The following NLK variants were observed in gnomAD, a reference collection of about 807,000 sequenced individuals.
The protein encoded by NLK is nemo like kinase, also known as serine/threonine-protein kinase NLK.
Under a neutral mutation model 59.0 loss-of-function variants are expected in NLK, and 11 were observed. The ratio of observed to expected loss-of-function variants is 0.19; its 90% confidence interval spans 0.12 to 0.31. The LOEUF (loss-of-function observed/expected upper bound fraction) is 0.31. NLK is among the 10% of genes least tolerant of loss of function. The pLI, the probability that NLK is intolerant of heterozygous loss-of-function variation, is 1.00. For missense variants in NLK, 410 were observed against 661.1 expected (o/e 0.62, Z 4.16); for synonymous variants, 235 against 235.9 (o/e 1.00, Z 0.03).
chr17:28,129,281 C>T (rs148951633), intron 2 of NLK, among the ~76,000 whole-genome samples: 108 of 152,130 alleles, frequency 7.1e-4, no homozygotes, highest in African/African-American at 2.4e-3. Flanking sequence ...GGTGAAACCC[C>T]GTCTCTACTA....
chr17:28,171,341 A>G (rs1161484194), intron 6 of NLK: 3 of 152,210 alleles, frequency 2.0e-5, no homozygotes, highest in African/African-American at 4.8e-5. Flanking sequence ...AGTGTTCTCT[A>G]GGTAAGAATT....
At chr17:28,043,724 C>A (rs1298716633) in intron 1 of NLK, among the ~76,000 whole-genome samples, 3 of 152,160 alleles carry the variant, frequency 2.0e-5, no homozygotes, top group Admixed American at 6.5e-5. Flanking sequence ...AGACTGAATT[C>A]CTTTATAATA....
intron 7 of NLK, among the ~76,000 whole-genome samples, chr17:28,175,941 A>G (rs62067264): frequency 0.058 from 8,884 of 152,330 alleles, 349 homozygotes; most frequent in Non-Finnish European, 0.084. Flanking sequence ...AATCATGTTT[A>G]TCTCAATTGA....
chr17:28,061,097 C>A (rs1228556539), intron 1 of NLK, among the ~76,000 whole-genome samples: 1 of 152,126 alleles, frequency 6.6e-6, no homozygotes, highest in Non-Finnish European at 1.5e-5. Context: ...AATCATAGCT[C>A]ACTGCAGCCT....
intron 1 of NLK, among the ~76,000 whole-genome samples, chr17:28,098,514 A>G (rs1334798710): frequency 2.0e-5 from 3 of 152,152 alleles, no homozygotes; most frequent in African/African-American, 7.2e-5. Flanking sequence ...GAAAACTGAC[A>G]TTGAGTACGT....
At chr17:28,122,845 T>A in intron 2 of NLK, 113 bp downstream of exon 2, 2 of 1,136,794 alleles carry the variant, frequency 1.8e-6, no homozygotes, top group Non-Finnish European at 2.5e-6. Context: ...GGAAATTGGC[T>A]ATAGTTTTAT....
intron 1 of NLK, among the ~76,000 whole-genome samples, chr17:28,098,608 T>C (rs1472809529): frequency 6.6e-6 from 1 of 151,906 alleles, no homozygotes; most frequent in African/African-American, 2.4e-5. Context: ...ACCAATCACC[T>C]ATTGTTGGGC....
chr17:28,072,969 G>A (rs1424336765), intron 1 of NLK, among the ~76,000 whole-genome samples: 2 of 151,696 alleles, frequency 1.3e-5, no homozygotes, highest in African/African-American at 2.4e-5. Flanking sequence ...AAAATTGTGA[G>A]CCCATGACAT....
intron 3 of NLK, among the ~76,000 whole-genome samples, chr17:28,153,347 T>C (rs1907566869): frequency 6.6e-6 from 1 of 151,716 alleles, no homozygotes; most frequent in Non-Finnish European, 1.5e-5. Flanking sequence ...TACCATAAAC[T>C]GGGTGGTTTA....
intron 1 of NLK, among the ~76,000 whole-genome samples, chr17:28,051,747 C>G (rs1211788946): frequency 1.3e-5 from 2 of 151,796 alleles, no homozygotes; most frequent in Non-Finnish European, 2.9e-5. Context: ...TGCCAACAAC[C>G]CTGTGACCTT....
chr17:28,192,178 C>A lies in NLK; in HGVS notation c.1494C>A (p.Ile498=). ...QQKGNRVPLC[I]NPQSAAFKSF... ...AAGGAAACAGAGTGCCTCTCTGCAT[C>A]AACCCTCAGTCTGCTGCTTTTAAGA... Residue 498 remains isoleucine, a synonymous_variant, in exon 10 of 11, where the codon ATC becomes ATA. Transcript: ENST00000407008. 6.2e-7 allele frequency: 1 copy of A among 1,607,042 alleles called. No individual in the cohort carries two copies. The highest frequency in any genetic ancestry group is 8.5e-7 in the Non-Finnish European group (1 of 1,174,826).
intron 1 of NLK, among the ~76,000 whole-genome samples, chr17:28,106,321 C>T (rs1905079031): frequency 6.6e-6 from 1 of 152,094 alleles, no homozygotes; most frequent in African/African-American, 2.4e-5. Flanking sequence ...ATAATAATTT[C>T]AATTCGTATA....
At chr17:28,149,102 G>A (rs996834627) in intron 3 of NLK, among the ~76,000 whole-genome samples, 3 of 152,072 alleles carry the variant, frequency 2.0e-5, no homozygotes, top group Non-Finnish European at 2.9e-5. Flanking sequence ...TTGCTCTGTC[G>A]CCAACGCTGG....
chr17:28,191,222 G>A lies in NLK; in HGVS notation c.1435+3G>A, dbSNP rs763555017. ...CAGTTCTGTCCGACAGGTTAAAGGT[G>A]AGTATCTGTTTTGGCCTTTGGCCAG... On this transcript the variant is annotated splice_donor_region_variant and intron_variant, in intron 9 of 10. Coordinates refer to ENST00000407008, the MANE Select transcript of NLK (RefSeq NM_016231.5). 6.3e-6 allele frequency: 10 copies of A among 1,599,736 alleles called. No homozygotes were observed. The East Asian group carries it at 6.7e-5, about 11-fold the overall frequency.
chr17:28,201,853 TA>T, the NLK span, among the ~76,000 whole-genome samples: 1 of 152,076 alleles, frequency 6.6e-6, no homozygotes, highest in South Asian at 2.1e-4. Context: ...CTATCTCTAC[TA>T]AAAATACAAA....
Position 28,161,056 on chromosome 17 carries a change from A to G in NLK, c.645-104A>G, listed in dbSNP as rs1047143563. On this transcript the variant is annotated intron_variant, in intron 3 of 10. Transcript: ENST00000407008. ...CGCTGTCTAGAAGCTTTCTTTCCCCACTTTTCCAGCCTTGAGAATGGAAGT... is the reference window on the plus strand; with the variant it reads ...CGCTGTCTAGAAGCTTTCTTTCCCCGCTTTTCCAGCCTTGAGAATGGAAGT... 6.1e-6 allele frequency: 4 copies of G among 653,278 alleles called. No homozygotes were observed. The Admixed American group carries it at 7.3e-5, about 12-fold the overall frequency. 40.5% of individuals were successfully genotyped at this position (653,278 alleles called of 1,614,324 possible).
intron 5 of NLK, among the ~76,000 whole-genome samples, chr17:28,163,917 A>G (rs1280652313): frequency 6.6e-6 from 1 of 152,266 alleles, no homozygotes; most frequent in Non-Finnish European, 1.5e-5. Flanking sequence ...CATTATTAAA[A>G]GAAGTGCATA....
intron 1 of NLK, among the ~76,000 whole-genome samples, chr17:28,115,698 A>G (rs1905735051): frequency 6.6e-6 from 1 of 152,048 alleles, no homozygotes; most frequent in Non-Finnish European, 1.5e-5. Context: ...GGAGTTGACA[A>G]TTTTACAATG....
chr17:28,154,693 C>A (rs1907627352), intron 3 of NLK, among the ~76,000 whole-genome samples: 2 of 151,980 alleles, frequency 1.3e-5, no homozygotes, highest in Admixed American at 1.3e-4. Context: ...TCCTCACATA[C>A]ACATAAAATT....
Sources: gnomAD v4.1 joint callset for allele counts (sites outside exome capture counted in the v4.1 genomes callset) on GRCh38, gnomAD v4.1.1 for gene constraint, MANE v1.5 for transcripts, NCBI Gene and HGNC (gene_info 2026-07-23, HGNC 2026-07-21) for gene names.